NPRL3: variants seen among roughly 807,000 people sequenced by gnomAD.
The protein encoded by NPRL3 is GATOR1 complex protein NPRL3.
In NPRL3, 23 loss-of-function variants were observed where a neutral mutation model predicts 57.2. The ratio of observed to expected loss-of-function variants is 0.40; its 90% CI spans 0.29 to 0.57. NPRL3 has a LOEUF of 0.57. Ranked by LOEUF, NPRL3 falls within the 20% of genes least tolerant of loss-of-function variation. NPRL3 has a pLI of 0.42. For synonymous variants in NPRL3, 333 were observed against 321.1 expected, an observed-to-expected ratio of 1.04 and a Z score of -0.39; for missense variants, 691 against 767.1, an observed-to-expected ratio of 0.90 and a Z score of 1.17.
At position 107,514 on chromosome 16, in the gene NPRL3, T is replaced by C. The variant is rs1596516702; in HGVS notation, c.629+3011A>G. Among the ~76,000 whole-genome samples, 4 of 149,598 alleles carry C rather than the reference T, an allele frequency of 2.7e-5. No homozygotes were observed. In the South Asian group the frequency reaches 8.4e-4, roughly 32 times the overall value. ...CAAAAATTAGCCAGGCATGGTGATGTGCACCTGTAGTCCCAGCTACTCGGG... is the reference window on the plus strand; with the variant it reads ...CAAAAATTAGCCAGGCATGGTGATGCGCACCTGTAGTCCCAGCTACTCGGG... On this transcript the variant is annotated intron_variant, in intron 7 of 13. Coordinates refer to ENST00000611875, the MANE Select transcript of NPRL3 (RefSeq NM_001077350.3).
Position 86,504 on chromosome 16 carries a change from G to A in NPRL3, c.*201C>T. Reference sequence around the variant, plus strand: ...TGGAGGGAAGCGTAGGAACACAGAGGGCAGCAGCCCCACAGCGGAACCACC... The same window carrying A: ...TGGAGGGAAGCGTAGGAACACAGAGAGCAGCAGCCCCACAGCGGAACCACC... On this transcript the variant is annotated 3_prime_UTR_variant, in exon 14 of 14. Transcript: ENST00000611875. 1 of 585,110 alleles carries A rather than the reference G, an allele frequency of 1.7e-6. No homozygotes were observed. The allele number at this position is 585,110 out of a possible 1,614,324, so 36.2% of individuals were successfully genotyped here.
chr16:106,629 T>TAAAAAAAA lies in NPRL3; in HGVS notation c.629+3888_629+3895dup, dbSNP rs763058746. Among the ~76,000 whole-genome samples, 25 of 60,070 alleles carry TAAAAAAAA rather than the reference T, an allele frequency of 4.2e-4. 1 individual carries two copies. The highest frequency in any genetic ancestry group is 6.4e-4 in the African/African-American group (10 of 15,742). 39.4% of individuals were successfully genotyped at this position (60,070 alleles called of 152,430 possible). A position where few individuals can be genotyped will look rare whatever the true frequency, so the allele number is the denominator to read the frequency against. On this transcript the variant is annotated intron_variant, in intron 7 of 13. Coordinates refer to ENST00000611875, the MANE Select transcript of NPRL3 (RefSeq NM_001077350.3). ...AATAGAGTGAGACCCTGCCTTAAAT[T>TAAAAAAAA]AAAAAAAAAAAAAAAAAAAAAAAAA...
intron 13 of NPRL3, among the ~76,000 whole-genome samples, chr16:88,472 G>A (rs1386421238): frequency 1.3e-5 from 2 of 151,870 alleles, no homozygotes; most frequent in African/African-American, 2.4e-5. Flanking sequence ...AGAAGAGTCC[G>A]AAAAATAGGC....
intron 7 of NPRL3, among the ~76,000 whole-genome samples, chr16:102,361 C>T (rs966633441): frequency 6.6e-6 from 1 of 152,166 alleles, no homozygotes; most frequent in African/African-American, 2.4e-5. Context: ...CCGGAGGCTC[C>T]AGGCAACAGG....
intron 13 of NPRL3, 142 bp from the exon 14 acceptor site, chr16:87,012 C>A: frequency 1.2e-6 from 1 of 837,574 alleles, no homozygotes. Context: ...GCAGCCACCA[C>A]AGCCCCCCAA....
Position 119,330 on chromosome 16 carries a change from C to T in NPRL3, c.189-75G>A, listed in dbSNP as rs149099806. 5.9e-4 allele frequency: 864 copies of T among 1,455,616 alleles called. No homozygotes were observed. The African/African-American group carries it at 0.01, about 17-fold the overall frequency. The allele number at this position is 1,455,616 out of a possible 1,614,324, so 90.2% of individuals were successfully genotyped here. A position where few individuals can be genotyped will look rare whatever the true frequency, so the allele number is the denominator to read the frequency against. ...GCACCATGCCCTGCTGGCCCCAGAG[C>T]GGAAGGGTCTCAGTAAACTGCACCT... On this transcript the variant is annotated intron_variant, in intron 3 of 13. Coordinates refer to ENST00000611875, the MANE Select transcript of NPRL3 (RefSeq NM_001077350.3).
In NPRL3 at chr16:110,507, C is replaced by A. The variant is rs1457483480; in HGVS notation, c.629+18G>T. 6.2e-7 allele frequency: 1 copy of A among 1,603,632 alleles called. No individual in the cohort carries two copies. Among genetic ancestry groups the A allele is most frequent in the East Asian group, 2.2e-5 (1 of 44,664 alleles). Reference sequence around the variant, plus strand: ...GGCCCATAAGAAGGAGGTTAATAAGCACACCCACCTGTCTTACCTGTCATA... The same window carrying A: ...GGCCCATAAGAAGGAGGTTAATAAGAACACCCACCTGTCTTACCTGTCATA... On this transcript the variant is annotated intron_variant, in intron 7 of 13. Transcript: ENST00000611875.
intron 13 of NPRL3, 147 bp downstream of exon 13, chr16:88,551 C>A: frequency 1.3e-6 from 1 of 746,724 alleles, no homozygotes; most frequent in Non-Finnish European, 2.2e-6. Flanking sequence ...GGCACCTGCC[C>A]CTACACACCT....
At position 85,405 on chromosome 16, in the gene NPRL3, C is replaced by T. The variant is rs751887856; in HGVS notation, c.*1300G>A. On this transcript the variant is annotated 3_prime_UTR_variant, in exon 14 of 14. Transcript: ENST00000611875. ...TCCAAACTGTCCGTCCCACAGGGGA[C>T]GGGGCTTGCGTCTTGCTGCGAGCAC... 39 of 1,602,528 alleles carry T rather than the reference C, an allele frequency of 2.4e-5. No individual in the cohort carries two copies. The highest frequency in any genetic ancestry group is 2.7e-5 in the African/African-American group (2 of 74,706).
At chr16:87,815 C>T (rs914574126) in intron 13 of NPRL3, among the ~76,000 whole-genome samples, 1 of 151,804 alleles carries the variant, frequency 6.6e-6, no homozygotes, top group African/African-American at 2.4e-5. Context: ...CGTGATCCAC[C>T]CACCTCAGCC....
chr16:126,891 A>AG (rs1454013044), intron 3 of NPRL3: 1 of 152,224 alleles, frequency 6.6e-6, no homozygotes, highest in African/African-American at 2.4e-5. Context: ...TGTTTCTGAG[A>AG]GGGGGGTCTC....
chr16:115,606 C>T (rs955360934), intron 5 of NPRL3, among the ~76,000 whole-genome samples: 1 of 152,110 alleles, frequency 6.6e-6, no homozygotes, highest in African/African-American at 2.4e-5. Context: ...CTGCCTCAGC[C>T]TCCTGAGTAG....
chr16:88,387 CAAAAAAAAAA>C (rs56670370), intron 13 of NPRL3, among the ~76,000 whole-genome samples: 3 of 130,948 alleles, frequency 2.3e-5, no homozygotes, highest in African/African-American at 3.2e-5. Context: ...GACTCCGTCT[CAAAAAAAAAA>C]AAAAAAAAAA....
At position 89,694 on chromosome 16, in the gene NPRL3, G is replaced by C. The variant is rs372572343; in HGVS notation, c.1351+19C>G. ...AAGCGTCTCCCCTGACTACCACAGC[G>C]GTGCCCTGGGGGTCCTACTTGGGGA... On this transcript the variant is annotated intron_variant, in intron 12 of 13. Coordinates refer to ENST00000611875, the MANE Select transcript of NPRL3 (RefSeq NM_001077350.3). 1.9e-6 allele frequency: 3 copies of C among 1,539,680 alleles called. No homozygotes were observed. In the East Asian group the frequency reaches 7.1e-5, roughly 36 times the overall value.
intron 2 of NPRL3, among the ~76,000 whole-genome samples, chr16:134,691 A>ATT (rs765141529): frequency 3.7e-5 from 4 of 108,490 alleles, no homozygotes; most frequent in East Asian, 2.9e-4. Context: ...AGTAATTATT[A>ATT]TTATTTTTTT....
At chr16:130,215 G>C (rs1182726055) in intron 3 of NPRL3, among the ~76,000 whole-genome samples, 1 of 152,160 alleles carries the variant, frequency 6.6e-6, no homozygotes, top group African/African-American at 2.4e-5. Context: ...CAACATAGGG[G>C]TCTGCTTTCC....
intron 2 of NPRL3, among the ~76,000 whole-genome samples, chr16:132,218 G>C (rs1184527898): frequency 6.6e-6 from 1 of 152,078 alleles, no homozygotes; most frequent in African/African-American, 2.4e-5. Context: ...ATGTTGCACA[G>C]GTTGGTCTCG....
chr16:111,589 A>G (rs1899817478), intron 6 of NPRL3, among the ~76,000 whole-genome samples: 1 of 151,570 alleles, frequency 6.6e-6, no homozygotes, highest in Non-Finnish European at 1.5e-5. Context: ...AGCTGGAACT[A>G]CGGGCACATA....
At chr16:94,609 C>T (rs1898907079) in intron 9 of NPRL3, among the ~76,000 whole-genome samples, 2 of 152,148 alleles carry the variant, frequency 1.3e-5, no homozygotes, top group Non-Finnish European at 2.9e-5. Flanking sequence ...TTTAATTAGC[C>T]AGGCACTGCG....
Sources: gnomAD v4.1 joint callset for allele counts (sites outside exome capture counted in the v4.1 genomes callset) on GRCh38, gnomAD v4.1.1 for gene constraint, MANE v1.5 for transcripts, NCBI Gene and HGNC (gene_info 2026-07-23, HGNC 2026-07-21) for gene names.